Variants in GALNS observed in about 807,000 individuals in gnomAD.
The protein encoded by GALNS is galactosamine (N-acetyl)-6-sulfatase.
Under a neutral mutation model 65.9 loss-of-function variants are expected in GALNS, and 65 were observed. The ratio of observed to expected loss-of-function variants is 0.99; its 90% CI spans 0.81 to 1.21. GALNS has a LOEUF of 1.21. Among genes scored for constraint, GALNS ranks in the 50% most tolerant of loss-of-function variants. The pLI, the probability that GALNS is intolerant of heterozygous loss-of-function variation, is 0.00. For synonymous variants in GALNS, 346 were observed against 288.9 expected, an observed-to-expected ratio of 1.20 and a Z score of -2.00; for missense variants, 776 against 700.7, an observed-to-expected ratio of 1.11 and a Z score of -1.21.
intron 13 of GALNS, among the ~76,000 whole-genome samples, chr16:88,814,781 AGT>A (rs1199751356): frequency 6.6e-6 from 1 of 152,130 alleles, no homozygotes; most frequent in East Asian, 1.9e-4. Context: ...TTGTATTTTT[AGT>A]AGAGACGGAG....
intron 9 of GALNS, among the ~76,000 whole-genome samples, chr16:88,829,536 G>A (rs1223417138): frequency 6.6e-6 from 1 of 152,228 alleles, no homozygotes; most frequent in Non-Finnish European, 1.5e-5. Flanking sequence ...GGCTGCCCTG[G>A]GCAGGGTCTG....
Position 88,822,625 on chromosome 16 carries a change from TG to T in GALNS, c.1327del (p.His443ThrfsTer52). ...EDHTKLPLIF[H>X]LGRDPGERFP... Reference sequence around the variant, plus strand: ...CCTCTCCCCTGGGTCCCGTCCCAGGTGGAAGATCAGGGGCAGCTTCGTGTGG... The same window carrying T: ...CCTCTCCCCTGGGTCCCGTCCCAGGTGAAGATCAGGGGCAGCTTCGTGTGG... On this transcript the variant is annotated frameshift_variant, in exon 12 of 14. Coordinates refer to ENST00000268695, the MANE Select transcript of GALNS (RefSeq NM_000512.5). LOFTEE classifies it high-confidence loss of function. 1 of 1,612,888 alleles carries T rather than the reference TG, an allele frequency of 6.2e-7. No homozygotes were observed. The highest frequency in any genetic ancestry group is 8.5e-7 in the Non-Finnish European group (1 of 1,179,822).
Position 88,835,229 on chromosome 16 carries a change from A to C in GALNS, c.882T>G (p.Ile294Met), listed in dbSNP as rs754566830. The C allele has an allele frequency of 1.9e-6, 3 of 1,593,886 alleles. No individual in the cohort carries two copies. The highest frequency in any genetic ancestry group is 2.6e-6 in the Non-Finnish European group (3 of 1,169,114). The change falls in exon 8 of 14, where the codon ATT becomes ATG. Residue 294 changes from isoleucine (I) to methionine (M), a missense_variant. By Grantham distance (10) the Ile-to-Met change is conservative. Coordinates refer to ENST00000268695, the MANE Select transcript of GALNS (RefSeq NM_000512.5). The part of the protein sequence containing the change: ...FFTSDNGAAL[I>M]SAPEQGGSNG... Reference sequence around the variant, plus strand: ...AGCACTCACCTTGTTCGGGGGCGGAAATGAGGGCAGCGCCGTTGTCCGACG... The same window carrying C: ...AGCACTCACCTTGTTCGGGGGCGGACATGAGGGCAGCGCCGTTGTCCGACG...
At position 88,821,834 on chromosome 16, in the gene GALNS, C is replaced by T. The variant is rs1597532914; in HGVS notation, c.1364+755G>A. Among the ~76,000 whole-genome samples the T allele has an allele frequency of 3.9e-5, 6 of 152,308 alleles. 1 individual carries two copies. Among genetic ancestry groups the T allele is most frequent in the African/African-American group, 1.4e-4 (6 of 41,564 alleles). ...CACTCCCCTGATGCTCCTGGGTCTTCCCAGGACCAACTCGATAGGGCAGGA... is the reference window on the plus strand; with the variant it reads ...CACTCCCCTGATGCTCCTGGGTCTTTCCAGGACCAACTCGATAGGGCAGGA... On this transcript the variant is annotated intron_variant, in intron 12 of 13. Coordinates refer to ENST00000268695, the MANE Select transcript of GALNS (RefSeq NM_000512.5).
chr16:88,841,445 G>A (rs1966967777), intron 3 of GALNS, among the ~76,000 whole-genome samples: 1 of 152,106 alleles, frequency 6.6e-6, no homozygotes. Context: ...ACGTGATGCT[G>A]CACTGCCCCA....
chr16:88,843,693 C>T (rs139984493), intron 1 of GALNS: 102 of 159,804 alleles, frequency 6.4e-4, no homozygotes, highest in African/African-American at 2.0e-3. Context: ...GGGAGGGGCC[C>T]GGCTGACACC....
intron 10 of GALNS, among the ~76,000 whole-genome samples, chr16:88,825,698 C>G (rs1910816167): frequency 6.6e-6 from 1 of 151,106 alleles, no homozygotes. Context: ...GGTGGGCAGA[C>G]AAGAGGATAA....
intron 5 of GALNS, among the ~76,000 whole-genome samples, chr16:88,837,081 C>T (rs991866209): frequency 2.0e-5 from 3 of 152,206 alleles, no homozygotes; most frequent in Non-Finnish European, 2.9e-5. Flanking sequence ...TGAGCACTTC[C>T]GCCAAGAAGA....
chr16:88,817,004 C>T (rs940338137), intron 13 of GALNS: 4 of 985,362 alleles, frequency 4.1e-6, no homozygotes, highest in South Asian at 4.7e-5. Flanking sequence ...GGAGCGACAC[C>T]GCAGACCTGT....
At chr16:88,838,340 A>G (rs1414529344) in intron 4 of GALNS, among the ~76,000 whole-genome samples, 5 of 152,088 alleles carry the variant, frequency 3.3e-5, no homozygotes, top group Non-Finnish European at 5.9e-5. Context: ...CTGTACCCAC[A>G]TCCCCAGGAC....
chr16:88,848,014 C>G (rs1052687306), intron 1 of GALNS, among the ~76,000 whole-genome samples: 1 of 152,156 alleles, frequency 6.6e-6, no homozygotes, highest in African/African-American at 2.4e-5. Flanking sequence ...GACTCAGCCA[C>G]GAAAAGGAAT....
At chr16:88,827,752 T>A (rs1019989910) in intron 9 of GALNS, among the ~76,000 whole-genome samples, 5 of 152,210 alleles carry the variant, frequency 3.3e-5, no homozygotes, top group African/African-American at 1.2e-4. Flanking sequence ...TGTCTCTTTC[T>A]TAACTCGGGG....
At chr16:88,828,162 G>A (rs111867638) in intron 9 of GALNS, among the ~76,000 whole-genome samples, 2,414 of 152,298 alleles carry the variant, frequency 0.016, 54 homozygotes, top group African/African-American at 0.054. Flanking sequence ...GTGTCTGTGC[G>A]ACTGCTTCCC....
intron 4 of GALNS, among the ~76,000 whole-genome samples, chr16:88,839,142 A>G (rs1269804004): frequency 6.6e-6 from 1 of 151,488 alleles, no homozygotes; most frequent in Non-Finnish European, 1.5e-5. Context: ...ACCACAGGGG[A>G]CACTCGTGCG....
chr16:88,817,540 AC>A (rs1159712014), intron 13 of GALNS: 1 of 984,948 alleles, frequency 1.0e-6, no homozygotes, highest in East Asian at 1.1e-4. Flanking sequence ...CCACCAGCCC[AC>A]CCGGGACCCA....
At chr16:88,828,117 C>A (rs1911119762) in intron 9 of GALNS, among the ~76,000 whole-genome samples, 1 of 152,264 alleles carries the variant, frequency 6.6e-6, no homozygotes, top group Non-Finnish European at 1.5e-5. Context: ...GGAAGCTTTG[C>A]AGAAGGTGAG....
intron 1 of GALNS, chr16:88,843,173 C>G (rs1567538689): frequency 2.2e-6 from 3 of 1,384,240 alleles, no homozygotes; most frequent in Non-Finnish European, 2.9e-6. Flanking sequence ...TGCATGCTCG[C>G]AGGAGCTGGC....
intron 1 of GALNS, among the ~76,000 whole-genome samples, chr16:88,852,627 A>G (rs1348145766): frequency 6.6e-6 from 1 of 152,242 alleles, no homozygotes; most frequent in Non-Finnish European, 1.5e-5. Context: ...TAAGGAAGCT[A>G]AAAACCTTGA....
In GALNS at chr16:88,826,836, C is replaced by G. The variant is rs772871566; in HGVS notation, c.1005G>C (p.Val335=). 15 of 1,575,544 alleles carry G rather than the reference C, an allele frequency of 9.5e-6. No homozygotes were observed. The highest frequency in any genetic ancestry group is 1.3e-5 in the Non-Finnish European group (15 of 1,161,406). Residue 335 remains valine (V), a splice_region_variant and synonymous_variant, in exon 10 of 14, where the codon GTG becomes GTC. Coordinates refer to ENST00000268695, the MANE Select transcript of GALNS (RefSeq NM_000512.5). ...WWPGHVTAGQ[V]SHQLGSIMDL... ...CCATGATGCTGCCCAGCTGGTGGCT[C>G]ACCTGAAACACATGGCAGCAACACG... is the stretch of plus-strand genomic sequence containing the variant.
Sources: allele counts gnomAD v4.1 joint callset (sites outside exome capture counted in the v4.1 genomes callset), GRCh38; gene constraint gnomAD v4.1.1; transcripts MANE v1.5; gene names NCBI Gene and HGNC (gene_info 2026-07-23, HGNC 2026-07-21).